ABCC4: variants seen among roughly 807,000 people sequenced by gnomAD.
The protein encoded by ABCC4 is ATP-binding cassette sub-family C member 4.
In ABCC4, 102 loss-of-function variants were observed where a neutral mutation model predicts 168.5. The observed-to-expected ratio is 0.61, with a 90% CI of 0.52 to 0.71. The LOEUF (loss-of-function observed/expected upper bound fraction) is 0.71. Ranked by LOEUF, ABCC4 falls within the 30% of genes least tolerant of loss-of-function variation. The pLI is 0.00. For missense variants in ABCC4, 1,402 were observed against 1,605.8 expected (o/e 0.87, Z 2.17); for synonymous variants, 617 against 590.7 (o/e 1.04, Z -0.65).
At chr13:95,247,906 A>G (rs1041972568) in intron 1 of ABCC4, among the ~76,000 whole-genome samples, 153 bp from the exon 2 acceptor site, 3 of 138,216 alleles carry the variant, frequency 2.2e-5, no homozygotes, top group Admixed American at 1.5e-4. Context: ...AGAGAGAGAA[A>G]AGTTAACATG....
chr13:95,082,442 A>C (rs913422749), intron 21 of ABCC4, among the ~76,000 whole-genome samples: 2 of 152,186 alleles, frequency 1.3e-5, no homozygotes, highest in African/African-American at 4.8e-5. Flanking sequence ...ATGTTTTCTA[A>C]ACTGATATAT....
intron 20 of ABCC4, among the ~76,000 whole-genome samples, chr13:95,101,769 G>T (rs2139374934): frequency 6.6e-6 from 1 of 152,280 alleles, no homozygotes; most frequent in East Asian, 1.9e-4. Flanking sequence ...AGCCTTCAGG[G>T]ATAATAAACC....
chr13:95,255,285 A>C (rs139593028), intron 1 of ABCC4, among the ~76,000 whole-genome samples: 36 of 152,318 alleles, frequency 2.4e-4, no homozygotes, highest in Middle Eastern at 6.8e-3. Context: ...AAGAAAACAA[A>C]ATCCTTCCAA....
chr13:95,163,556 G>T, intron 17 of ABCC4, 54 bp downstream of exon 17: 3 of 1,469,236 alleles, frequency 2.0e-6, no homozygotes, highest in South Asian at 1.2e-5. Flanking sequence ...ATGGAAAAGC[G>T]AGTCTTCTTA....
chr13:95,075,580 A>G, intron 21 of ABCC4, 29 bp from the exon 22 acceptor site: 1 of 1,613,358 alleles, frequency 6.2e-7, no homozygotes, highest in Non-Finnish European at 8.5e-7. Context: ...AAAACAGCTC[A>G]GTGAGGCTGG....
intron 19 of ABCC4, among the ~76,000 whole-genome samples, chr13:95,126,114 A>G (rs1239417995): frequency 6.6e-6 from 1 of 152,230 alleles, no homozygotes; most frequent in Non-Finnish European, 1.5e-5. Flanking sequence ...AGAGAGTAAG[A>G]AATCACCAAT....
rs1031048456 is a variant in ABCC4 at position 95,209,472 on chromosome 13, G to T, written c.747C>A (p.Pro249=). The change falls in exon 6 of 31, where the codon CCC becomes CCA. Residue 249 remains proline (P), a synonymous_variant. Transcript: ENST00000645237. ...AGMAVLIILL[P]LQSCFGKLFS... is the part of the protein sequence containing the mutation. ...ACAACTTCCCAAAACAGCTTTGCAA[G>T]GGCAGGAGAATGATTAGAACTGCCA... is the stretch of plus-strand genomic sequence containing the variant. The T allele has an allele frequency of 1.2e-6, 2 of 1,614,056 alleles. No individual in the cohort carries two copies. The highest frequency in any genetic ancestry group is 3.3e-5 in the Admixed American group (2 of 60,004).
intron 25 of ABCC4, among the ~76,000 whole-genome samples, chr13:95,065,776 C>G (rs2033513909): frequency 6.6e-6 from 1 of 152,180 alleles, no homozygotes; most frequent in South Asian, 2.1e-4. Flanking sequence ...CCAATTTCTA[C>G]TCCCACCTGT....
Position 95,021,682 on chromosome 13 carries a change from C to G in ABCC4, c.3871G>C (p.Val1291Leu). The change falls in exon 31 of 31, where the codon GTA becomes CTA. Residue 1291 changes from valine (V) to leucine (L), a missense_variant and splice_region_variant. Physicochemically the swap from Val to Leu is conservative, Grantham distance 32 (BLOSUM62 1). This residue lies in a region of ABCC4 where 1,007 missense variants were observed against 1,127.3 expected (regional missense o/e 0.89). Coordinates refer to ENST00000645237, the MANE Select transcript of ABCC4 (RefSeq NM_005845.5). ...AAALTETAKQVYFKRNYPHIG... is the reference protein window; with the variant it reads ...AAALTETAKQLYFKRNYPHIG... ...TGTGGATAATTTCTTTTGAAGTATA[C>G]CTAGAAAAAAAAAAGGTAAGCATAA... 6.3e-7 allele frequency: 1 copy of G among 1,576,008 alleles called. No homozygotes were observed. Among genetic ancestry groups the G allele is most frequent in the African/African-American group, 1.4e-5 (1 of 72,880 alleles).
At chr13:95,115,896 G>A in intron 20 of ABCC4, 26 bp downstream of exon 20, 1 of 1,586,702 alleles carries the variant, frequency 6.3e-7, no homozygotes, top group Non-Finnish European at 8.6e-7. Flanking sequence ...TTCCATTTGA[G>A]ATCCTGACAT....
Position 95,186,689 on chromosome 13 carries a change from G to C in ABCC4, c.1545+12C>G. 6.2e-7 allele frequency: 1 copy of C among 1,608,964 alleles called. No individual in the cohort carries two copies. Among genetic ancestry groups the C allele is most frequent in the Non-Finnish European group, 8.5e-7 (1 of 1,176,844 alleles). On this transcript the variant is annotated intron_variant, in intron 11 of 30. Transcript: ENST00000645237. Reference sequence around the variant, plus strand: ...ACATTCGAGTACATGAAATCCAAAAGTCATCACTCACCTTTTTCAGAGCAC... The same window carrying C: ...ACATTCGAGTACATGAAATCCAAAACTCATCACTCACCTTTTTCAGAGCAC...
intron 21 of ABCC4, among the ~76,000 whole-genome samples, chr13:95,077,086 G>C (rs78934703): frequency 6.6e-6 from 1 of 152,156 alleles, no homozygotes; most frequent in Non-Finnish European, 1.5e-5. Flanking sequence ...GCATAGCAGC[G>C]GACATGAGGG....
chr13:95,161,598 T>TAG (rs2037102349), intron 18 of ABCC4, among the ~76,000 whole-genome samples: 1 of 152,214 alleles, frequency 6.6e-6, no homozygotes, highest in African/African-American at 2.4e-5. Flanking sequence ...CTAATTCAAT[T>TAG]GCAAGTTCTA....
chr13:95,291,615 A>G (rs888425026), intron 1 of ABCC4, among the ~76,000 whole-genome samples: 1 of 152,208 alleles, frequency 6.6e-6, no homozygotes, highest in African/African-American at 2.4e-5. Context: ...CATCTACAAA[A>G]TGAATTTGCA....
At chr13:95,281,581 T>C (rs2041127453) in intron 1 of ABCC4, among the ~76,000 whole-genome samples, 1 of 152,158 alleles carries the variant, frequency 6.6e-6, no homozygotes, top group Non-Finnish European at 1.5e-5. Flanking sequence ...TGAAGAATTT[T>C]AGTAATCTTA....
rs556726476 is a variant in ABCC4 at position 95,027,257 on chromosome 13, C to CT, written c.3871-5576dup. 4.8e-3 allele frequency among the ~76,000 whole-genome samples: 707 copies of CT among 147,372 alleles called. 6 individuals are homozygous for CT. The highest frequency in any genetic ancestry group is 0.016 in the African/African-American group (648 of 40,500). ...GATGGTATAGAGCATTGTTTTGCAA[C>CT]TTTTTTTTTTTAAACTGCCACCCAC... On this transcript the variant is annotated intron_variant, in intron 30 of 30. Coordinates refer to ENST00000645237, the MANE Select transcript of ABCC4 (RefSeq NM_005845.5).
chr13:95,246,074 G>A (rs1372403021), intron 3 of ABCC4, among the ~76,000 whole-genome samples: 2 of 152,130 alleles, frequency 1.3e-5, no homozygotes, highest in African/African-American at 4.8e-5. Flanking sequence ...AGACCAGAAC[G>A]GACAAGCTAC....
At chr13:95,186,631 C>A (rs1282840819) in intron 11 of ABCC4, 70 bp downstream of exon 11, 16 of 1,426,740 alleles carry the variant, frequency 1.1e-5, no homozygotes, top group Middle Eastern at 2.4e-4. Context: ...AGTTAATAAA[C>A]CTTGTTGTTC....
chr13:95,295,527 G>T (rs60895967), intron 1 of ABCC4, among the ~76,000 whole-genome samples: 2,836 of 151,954 alleles, frequency 0.019, 88 homozygotes, highest in African/African-American at 0.065. Context: ...ATGCAGTGGC[G>T]TGCGCTTGTA....
Sources: gnomAD v4.1 joint callset for allele counts (sites outside exome capture counted in the v4.1 genomes callset) on GRCh38, gnomAD v4.1.1 for gene constraint, gnomAD v4.1.1 regional missense constraint, MANE v1.5 for transcripts, NCBI Gene and HGNC (gene_info 2026-07-23, HGNC 2026-07-21) for gene names.